The following MAP1B variants were observed in gnomAD, a reference collection of about 807,000 sequenced individuals.
MAP1B encodes the protein microtubule-associated protein 1B.
In MAP1B, 12 loss-of-function variants were observed where a neutral mutation model predicts 176.1. The ratio of observed to expected loss-of-function variants is 0.07; its 90% CI spans 0.04 to 0.11. MAP1B has a LOEUF of 0.11. Ranked by LOEUF, MAP1B falls within the 10% of genes least tolerant of loss-of-function variation. The pLI, the probability that MAP1B is intolerant of heterozygous loss-of-function variation, is 1.00. For synonymous variants in MAP1B, 1,044 were observed against 1,135.0 expected (o/e 0.92, Z 1.61); for missense variants, 2,523 against 2,990.5 (o/e 0.84, Z 3.65).
At chr5:72,108,871 C>T (rs1745227085) in intron 1 of MAP1B, among the ~76,000 whole-genome samples, 1 of 152,222 alleles carries the variant, frequency 6.6e-6, no homozygotes, top group African/African-American at 2.4e-5. Context: ...GCCCTCCCCT[C>T]GCTCCTGACA....
chr5:72,129,052 T>C (rs1745678438), intron 2 of MAP1B, among the ~76,000 whole-genome samples: 1 of 152,162 alleles, frequency 6.6e-6, no homozygotes, highest in Admixed American at 6.5e-5. Flanking sequence ...GTAAGAGAGA[T>C]GAGAAGTGAG....
At chr5:72,163,026 G>A (rs957782801) in intron 2 of MAP1B, among the ~76,000 whole-genome samples, 2 of 152,022 alleles carry the variant, frequency 1.3e-5, no homozygotes, top group African/African-American at 2.4e-5. Context: ...TCAGGAGATC[G>A]AGACCAGCCT....
At position 72,199,950 on chromosome 5, in the gene MAP1B, G is replaced by A; in HGVS notation, c.6595G>A (p.Asp2199Asn). 6.2e-7 allele frequency: 1 copy of A among 1,614,126 alleles called. No homozygotes were observed. The highest frequency in any genetic ancestry group is 8.5e-7 in the Non-Finnish European group (1 of 1,180,028). Residue 2199 changes from aspartate to asparagine, a missense_variant, in exon 5 of 7, where the codon GAC becomes AAC. Around this residue, in one of 4 missense-constraint regions of MAP1B, gnomAD observed 287 missense variants for 401.5 expected, o/e 0.71. Coordinates refer to ENST00000296755, the MANE Select transcript of MAP1B (RefSeq NM_005909.5). The surrounding 1 kb of genome is among the most constrained non-coding windows in gnomAD (Gnocchi z 4.2). ...CAAAACTGTCACGTACAAACACATGGACCCACCTCCAGCTCCCGTGCAAGA... is the reference window on the plus strand; with the variant it reads ...CAAAACTGTCACGTACAAACACATGAACCCACCTCCAGCTCCCGTGCAAGA... Reference protein sequence around the residue: ...TDKTVTYKHMDPPPAPVQDRS... With the variant: ...TDKTVTYKHMNPPPAPVQDRS...
intron 2 of MAP1B, among the ~76,000 whole-genome samples, chr5:72,180,444 A>G (rs1746742389): frequency 6.6e-6 from 1 of 152,210 alleles, no homozygotes; most frequent in South Asian, 2.1e-4. Flanking sequence ...TAGAAAGAGG[A>G]TAGTTTCATG....
In MAP1B at chr5:72,200,276, G is replaced by C. The variant is rs751462563; in HGVS notation, c.6921G>C (p.Glu2307Asp). The change falls in exon 5 of 7, where the codon GAG becomes GAC. Residue 2307 changes from glutamate (E) to aspartate (D), a missense_variant. Glu to Asp is a conservative substitution (Grantham distance 45). Coordinates refer to ENST00000296755, the MANE Select transcript of MAP1B (RefSeq NM_005909.5). ...EKAAKPTTTP[E>D]VKAARGEEKD... is the part of the protein sequence containing the mutation. The stretch of plus-strand genomic sequence containing the variant: ...CAGCAAAACCCACCACCACTCCTGA[G>C]GTCAAAGCTGCACGTGGGGAAGAGA... 6.2e-7 allele frequency: 1 copy of C among 1,614,236 alleles called. No individual in the cohort carries two copies. Among genetic ancestry groups the C allele is most frequent in the Non-Finnish European group, 8.5e-7 (1 of 1,180,044 alleles).
intron 2 of MAP1B, among the ~76,000 whole-genome samples, chr5:72,146,723 A>G (rs1390551660): frequency 1.3e-5 from 2 of 152,178 alleles, no homozygotes; most frequent in Non-Finnish European, 2.9e-5. Context: ...AGACCCTCAA[A>G]TACCACTGGG....
At chr5:72,161,153 A>ACTGAGAGTCT (rs1284395047) in intron 2 of MAP1B, among the ~76,000 whole-genome samples, 1 of 152,150 alleles carries the variant, frequency 6.6e-6, no homozygotes, top group Non-Finnish European at 1.5e-5. Context: ...ACTCAGTGGT[A>ACTGAGAGTCT]CTCAGGGGAC....
intron 2 of MAP1B, chr5:72,179,947 A>T: frequency 2.0e-6 from 2 of 985,242 alleles, no homozygotes; most frequent in South Asian, 9.4e-5. Flanking sequence ...TTTGTTTGCA[A>T]CTGATGAAGC....
At chr5:72,120,517 C>T (rs543446143) in intron 2 of MAP1B, among the ~76,000 whole-genome samples, 172 of 151,948 alleles carry the variant, frequency 1.1e-3, no homozygotes, top group Admixed American at 2.2e-3. Flanking sequence ...CTCCGCCTCC[C>T]GGGTTCACAC....
At chr5:72,161,918 C>T (rs1217824465) in intron 2 of MAP1B, among the ~76,000 whole-genome samples, 1 of 132,142 alleles carries the variant, frequency 7.6e-6, no homozygotes, top group African/African-American at 2.8e-5. Context: ...GATCGCGCCA[C>T]TACACTACAG....
At chr5:72,173,788 GA>G (rs1746589188) in intron 2 of MAP1B, among the ~76,000 whole-genome samples, 1 of 152,186 alleles carries the variant, frequency 6.6e-6, no homozygotes. Context: ...AGCAGTGAGG[GA>G]CAGTGAAAAG....
At position 72,186,469 on chromosome 5, in the gene MAP1B, G is replaced by A; in HGVS notation, c.370-145G>A. 1.1e-6 allele frequency: 1 copy of A among 944,958 alleles called. No individual in the cohort carries two copies. Among genetic ancestry groups the A allele is most frequent in the African/African-American group, 1.6e-5 (1 of 61,320 alleles). The allele number at this position is 944,958 out of a possible 1,614,324, so 58.5% of individuals were successfully genotyped here. A position where few individuals can be genotyped will look rare whatever the true frequency, so the allele number is the denominator to read the frequency against. ...CCATTCAACCCTCCCGTGCTCTTCT[G>A]GCCTCCAGGAGAAATTAGACCTTTG... On this transcript the variant is annotated intron_variant, in intron 3 of 6. Coordinates refer to ENST00000296755, the MANE Select transcript of MAP1B (RefSeq NM_005909.5). The surrounding 1 kb of genome is among the most constrained non-coding windows in gnomAD (Gnocchi z 4.3).
In MAP1B at chr5:72,200,213, G is replaced by A; in HGVS notation, c.6858G>A (p.Arg2286=). Residue 2286 remains arginine (R), a synonymous_variant, in exon 5 of 7, where the codon AGG becomes AGA. Coordinates refer to ENST00000296755, the MANE Select transcript of MAP1B (RefSeq NM_005909.5). ...AAGAATCCTCGGATAAAGTGTCCAG[G>A]GTGGCTTCTCCTAAGAAGAAAGAAT... The part of the protein sequence containing the change: ...GLKESSDKVS[R]VASPKKKESV... 1 of 1,614,200 alleles carries A rather than the reference G, an allele frequency of 6.2e-7. No homozygotes were observed.
At chr5:72,163,593 G>T (rs1473436972) in intron 2 of MAP1B, among the ~76,000 whole-genome samples, 1 of 152,176 alleles carries the variant, frequency 6.6e-6, no homozygotes, top group Non-Finnish European at 1.5e-5. Context: ...TTAATAGAAT[G>T]CTTCCATTTG....
intron 1 of MAP1B, among the ~76,000 whole-genome samples, chr5:72,111,848 C>T (rs765121753): frequency 1.6e-4 from 24 of 152,080 alleles, no homozygotes; most frequent in Non-Finnish European, 3.1e-4. Context: ...AAGATGTTAT[C>T]TCAGACCTAA....
chr5:72,183,467 C>T (rs112090197), intron 2 of MAP1B, among the ~76,000 whole-genome samples: 5 of 152,298 alleles, frequency 3.3e-5, no homozygotes, highest in African/African-American at 9.6e-5. Flanking sequence ...CCGCCATTAC[C>T]GCAAGGAGGC....
At chr5:72,126,238 G>T (rs1035049412) in intron 2 of MAP1B, among the ~76,000 whole-genome samples, 1 of 152,160 alleles carries the variant, frequency 6.6e-6, no homozygotes, top group African/African-American at 2.4e-5. Context: ...TGAGAGCATT[G>T]TTGCCCATGG....
chr5:72,155,764 T>G (rs982579542), intron 2 of MAP1B, among the ~76,000 whole-genome samples: 1 of 141,718 alleles, frequency 7.1e-6, no homozygotes, highest in Non-Finnish European at 1.5e-5. Flanking sequence ...TGATTTTCTT[T>G]TCTTTTTTTT....
chr5:72,178,725 G>GGGT (rs761860242), intron 2 of MAP1B, among the ~76,000 whole-genome samples: 10 of 140,506 alleles, frequency 7.1e-5, no homozygotes, highest in African/African-American at 2.4e-4. Context: ...GCCTCTGAGG[G>GGGT]GTGTGTGTGT....
Sources: gnomAD v4.1 joint callset for allele counts (sites outside exome capture counted in the v4.1 genomes callset) on GRCh38, gnomAD v4.1.1 for gene constraint, gnomAD v4.1.1 regional missense constraint, Gnocchi (gnomAD v3.1) non-coding constraint, MANE v1.5 for transcripts, NCBI Gene and HGNC (gene_info 2026-07-23, HGNC 2026-07-21) for gene names.